The following VWA3A variants were observed in gnomAD, a reference collection of about 807,000 sequenced individuals.
VWA3A encodes the protein von Willebrand factor A domain containing 3A, also known as von Willebrand factor A domain-containing protein 3A.
Under a neutral mutation model 160.4 loss-of-function variants are expected in VWA3A, and 134 were observed. That is an observed-to-expected ratio of 0.84 (90% CI 0.73 to 0.96). The LOEUF (loss-of-function observed/expected upper bound fraction) is 0.96. Ranked by LOEUF, VWA3A falls within the 40% of genes least tolerant of loss-of-function variation. VWA3A has a pLI of 0.00. For synonymous variants in VWA3A, 476 were observed against 543.4 expected (o/e 0.88, Z 1.72); for missense variants, 1,310 against 1,447.9 (o/e 0.90, Z 1.55).
chr16:22,132,245 T>A (rs1450824245), intron 19 of VWA3A, among the ~76,000 whole-genome samples: 1 of 151,764 alleles, frequency 6.6e-6, no homozygotes, highest in Non-Finnish European at 1.5e-5. Context: ...TAGCTGGGCG[T>A]GGTGGCACAT....
chr16:22,121,018 C>T lies in VWA3A; in HGVS notation c.1167C>T (p.Pro389=), dbSNP rs778086234. The T allele has an allele frequency of 1.2e-6, 2 of 1,613,854 alleles. No homozygotes were observed. Among genetic ancestry groups the T allele is most frequent in the Non-Finnish European group, 1.7e-6 (2 of 1,179,906 alleles). ...NGPLISLLPK[P]PKHDAPLTIE... ...CACTCATAAGCCTCTTGCCTAAACC[C>T]CCAAAGCATGACGCTCCTCTCACCA... Residue 389 remains proline, a synonymous_variant, in exon 13 of 34, where the codon CCC becomes CCT. Coordinates refer to ENST00000389398, the MANE Select transcript of VWA3A (RefSeq NM_173615.5).
At chr16:22,122,257 A>G (rs894212704) in intron 14 of VWA3A, among the ~76,000 whole-genome samples, 3 of 149,962 alleles carry the variant, frequency 2.0e-5, no homozygotes, top group Admixed American at 6.6e-5. Flanking sequence ...GGATGGATGG[A>G]TGAGTGGATG....
chr16:22,108,963 A>G (rs1222049654), intron 6 of VWA3A, among the ~76,000 whole-genome samples: 1 of 152,204 alleles, frequency 6.6e-6, no homozygotes, highest in Non-Finnish European at 1.5e-5. Flanking sequence ...GCTTGAGCCC[A>G]GGAGTTCGAG....
At chr16:22,107,587 T>A (rs2045499249) in intron 6 of VWA3A, among the ~76,000 whole-genome samples, 1 of 151,814 alleles carries the variant, frequency 6.6e-6, no homozygotes, top group South Asian at 2.1e-4. Context: ...ACAAAAAATT[T>A]TAAAAAAAAA....
At chr16:22,150,377 G>A (rs2046328183) in intron 29 of VWA3A, among the ~76,000 whole-genome samples, 1 of 151,884 alleles carries the variant, frequency 6.6e-6, no homozygotes, top group South Asian at 2.1e-4. Flanking sequence ...CTCCAGCCTG[G>A]GCAACAAGAA....
At chr16:22,136,537 A>C (rs1211336446) in intron 21 of VWA3A, among the ~76,000 whole-genome samples, 1 of 152,000 alleles carries the variant, frequency 6.6e-6, no homozygotes, top group East Asian at 1.9e-4. Context: ...GAGGCAGTGG[A>C]GTGGAGGAGC....
At position 22,092,604 on chromosome 16, in the gene VWA3A, G is replaced by A. The variant is rs1166762730; in HGVS notation, c.-34G>A. On this transcript the variant is annotated 5_prime_UTR_variant, in exon 1 of 34. Transcript: ENST00000389398. ...TCCAGGAGAAGTAAGGCCCTGGAGT[G>A]CCAGGAGCCCTTCTCCCAAAGATGG... The A allele has an allele frequency of 1.3e-6, 2 of 1,549,816 alleles. No individual in the cohort carries two copies. The highest frequency in any genetic ancestry group is 2.4e-5 in the South Asian group (2 of 83,922).
At chr16:22,138,049 T>A (rs1438747835) in intron 21 of VWA3A, among the ~76,000 whole-genome samples, 2 of 152,100 alleles carry the variant, frequency 1.3e-5, no homozygotes, top group Non-Finnish European at 2.9e-5. Flanking sequence ...GGTTTCCTCA[T>A]CTGTAAAATG....
intron 23 of VWA3A, among the ~76,000 whole-genome samples, chr16:22,140,813 T>C (rs1177297885): frequency 6.6e-6 from 1 of 152,074 alleles, no homozygotes; most frequent in Non-Finnish European, 1.5e-5. Context: ...GGTTTCACCA[T>C]GTTGCCCAGG....
rs773975958 is a variant in VWA3A, at chr16:22,108,535, G to A, written c.484-947G>A. 2.9e-4 allele frequency among the ~76,000 whole-genome samples: 44 copies of A among 152,220 alleles called. No homozygotes were observed. In the South Asian group the frequency reaches 2.9e-3, roughly 10 times the overall value. On this transcript the variant is annotated intron_variant, in intron 6 of 33. Transcript: ENST00000389398. ...TGTTTTTGTTTTCTCAGCAAAATTG[G>A]AGGCAAAATCACTTGCTGGGAGAGT... is the stretch of plus-strand genomic sequence containing the variant.
At chr16:22,096,649 G>A (rs1002657628) in intron 1 of VWA3A, among the ~76,000 whole-genome samples, 3 of 152,014 alleles carry the variant, frequency 2.0e-5, no homozygotes, top group Admixed American at 6.6e-5. Flanking sequence ...GGAGATTGAG[G>A]TGGGAGGATT....
chr16:22,152,777 A>G, intron 31 of VWA3A, 143 bp downstream of exon 31: 10 of 1,258,200 alleles, frequency 7.9e-6, no homozygotes, highest in Non-Finnish European at 1.1e-5. Flanking sequence ...TACAGGCATG[A>G]GCCACCACGC....
chr16:22,098,283 T>C (rs964561051), intron 3 of VWA3A, among the ~76,000 whole-genome samples: 2 of 152,170 alleles, frequency 1.3e-5, no homozygotes, highest in Admixed American at 1.3e-4. Flanking sequence ...TTTGAAATGA[T>C]AGTCAAAAAC....
intron 16 of VWA3A, among the ~76,000 whole-genome samples, chr16:22,124,815 C>A (rs774124105): frequency 8.5e-5 from 13 of 152,222 alleles, no homozygotes; most frequent in African/African-American, 3.1e-4. Flanking sequence ...TAAGGCCACA[C>A]AGCTGGTAGG....
intron 12 of VWA3A, 139 bp downstream of exon 12, chr16:22,119,166 C>A (rs2045693433): frequency 8.3e-7 from 1 of 1,205,662 alleles, no homozygotes; most frequent in Non-Finnish European, 1.1e-6. Context: ...CAAGGCCCAC[C>A]CTCCATTGCA....
At chr16:22,124,579 A>ATT (rs781544839) in intron 16 of VWA3A, among the ~76,000 whole-genome samples, 38 of 142,536 alleles carry the variant, frequency 2.7e-4, no homozygotes, top group Non-Finnish European at 4.3e-4. Context: ...TTATTATTAG[A>ATT]GACAGAGTCT....
intron 11 of VWA3A, among the ~76,000 whole-genome samples, chr16:22,118,617 C>T (rs929226089): frequency 2.6e-5 from 4 of 152,124 alleles, no homozygotes; most frequent in African/African-American, 7.2e-5. Flanking sequence ...ACCCAGGAGG[C>T]GGAGCTTGCC....
At position 22,138,368 on chromosome 16, in the gene VWA3A, C is replaced by T. The variant is rs1238346055; in HGVS notation, c.2148C>T (p.Phe716=). The change falls in exon 22 of 34, where the codon TTC becomes TTT. Residue 716 remains phenylalanine (F), a synonymous_variant. Transcript: ENST00000389398. ...KALNYSQKCA[F]LMASLKNHSG... Reference sequence around the variant, plus strand: ...TCCCAATCCCACTGCAGTGTGCCTTCCTCATGGCCTCCCTGAAGAACCATT... The same window carrying T: ...TCCCAATCCCACTGCAGTGTGCCTTTCTCATGGCCTCCCTGAAGAACCATT... The T allele has an allele frequency of 1.3e-6, 2 of 1,591,572 alleles. No individual in the cohort carries two copies. Among genetic ancestry groups the T allele is most frequent in the Non-Finnish European group, 1.7e-6 (2 of 1,169,530 alleles).
At chr16:22,100,786 A>G (rs2045396375) in intron 5 of VWA3A, among the ~76,000 whole-genome samples, 1 of 151,328 alleles carries the variant, frequency 6.6e-6, no homozygotes, top group Non-Finnish European at 1.5e-5. Context: ...GGTTCCAGTG[A>G]GCTAAGAACA....
Sources: gnomAD v4.1 joint callset for allele counts (sites outside exome capture counted in the v4.1 genomes callset) on GRCh38, gnomAD v4.1.1 for gene constraint, MANE v1.5 for transcripts, NCBI Gene and HGNC (gene_info 2026-07-23, HGNC 2026-07-21) for gene names.